The following OCA2 variants were observed in gnomAD, a reference collection of about 807,000 sequenced individuals.
OCA2 encodes the protein OCA2 melanosomal transmembrane protein, also known as P protein.
Under a neutral mutation model 100.2 loss-of-function variants are expected in OCA2, and 77 were observed. The observed-to-expected ratio is 0.77, with a 90% confidence interval of 0.64 to 0.93. OCA2 has a LOEUF of 0.93. Among genes scored for constraint, OCA2 ranks in the 40% least tolerant of loss-of-function variants. The probability of loss-of-function intolerance (pLI) is 0.00; values close to 1 mark genes in which losing one functional copy is unlikely to be tolerated. For synonymous variants in OCA2, 432 were observed against 439.2 expected, an observed-to-expected ratio of 0.98 and a Z score of 0.21; for missense variants, 1,062 against 1,089.1, an observed-to-expected ratio of 0.98 and a Z score of 0.35.
intron 18 of OCA2, among the ~76,000 whole-genome samples, chr15:27,930,023 C>T (rs1167129781): frequency 6.6e-6 from 1 of 152,118 alleles, no homozygotes; most frequent in Non-Finnish European, 1.5e-5. Flanking sequence ...CAGGAACTTT[C>T]AAGCACTGCT....
intron 5 of OCA2, among the ~76,000 whole-genome samples, chr15:28,024,354 T>C (rs1161479176): frequency 1.3e-5 from 2 of 152,204 alleles, no homozygotes; most frequent in African/African-American, 2.4e-5. Flanking sequence ...AGGATGGAGA[T>C]GTCTGGGCAA....
chr15:28,014,384 C>A (rs897417676), intron 9 of OCA2, among the ~76,000 whole-genome samples: 1 of 152,218 alleles, frequency 6.6e-6, no homozygotes, highest in African/African-American at 2.4e-5. Context: ...CTCACACACA[C>A]AACCCCACGG....
chr15:28,097,508 C>T (rs1041902509), intron 1 of OCA2, among the ~76,000 whole-genome samples: 6 of 152,180 alleles, frequency 3.9e-5, no homozygotes, highest in African/African-American at 7.2e-5. Flanking sequence ...GGCTTTCCTC[C>T]CCTCTGTGGT....
In OCA2 at chr15:27,934,218, G is replaced by A. The variant is rs150412070; in HGVS notation, c.1952-7964C>T. ...GACATTGTCATTTAGCATGTGAAGG[G>A]CAGACCATGTTTTATATCATGCAAA... On this transcript the variant is annotated intron_variant, in intron 18 of 23. Coordinates refer to ENST00000354638, the MANE Select transcript of OCA2 (RefSeq NM_000275.3). 2.7e-4 allele frequency among the ~76,000 whole-genome samples: 40 copies of A among 145,920 alleles called. 1 individual carries two copies. Among genetic ancestry groups the A allele is most frequent in the Non-Finnish European group, 5.7e-4 (37 of 64,358 alleles).
At chr15:27,966,856 C>G in intron 14 of OCA2, 34 bp from the exon 15 acceptor site, 1 of 1,589,532 alleles carries the variant, frequency 6.3e-7, no homozygotes, top group Non-Finnish European at 8.6e-7. Context: ...AAATGGCAGC[C>G]CAGGCATGGT....
intron 21 of OCA2, among the ~76,000 whole-genome samples, chr15:27,864,512 G>A (rs74580409): frequency 0.039 from 5,965 of 152,186 alleles, 399 homozygotes; most frequent in African/African-American, 0.13. Flanking sequence ...CCTGTGCCAG[G>A]TGTGATAGCC....
At chr15:28,048,139 T>G (rs1362549318) in intron 2 of OCA2, among the ~76,000 whole-genome samples, 4 of 152,204 alleles carry the variant, frequency 2.6e-5, no homozygotes, top group African/African-American at 9.6e-5. Flanking sequence ...TAAATTAAAA[T>G]GCACCCTATG....
At chr15:28,070,227 G>C (rs1299071670) in intron 2 of OCA2, among the ~76,000 whole-genome samples, 1 of 136,094 alleles carries the variant, frequency 7.3e-6, no homozygotes, top group Non-Finnish European at 1.5e-5. Context: ...TCTGAGAAGT[G>C]AGGAGCCTCT....
At chr15:27,981,065 C>G (rs957114130) in intron 14 of OCA2, among the ~76,000 whole-genome samples, 4 of 152,156 alleles carry the variant, frequency 2.6e-5, no homozygotes, top group Non-Finnish European at 5.9e-5. Context: ...TATCTTTTTA[C>G]TCCATTTCAT....
At chr15:27,752,878 C>A (rs1449651467), downstream of OCA2, among the ~76,000 whole-genome samples, 1 of 142,858 alleles carries the variant, frequency 7.0e-6, no homozygotes. Context: ...TGGCTGCAGT[C>A]ACTTGCACTT....
Position 27,793,224 on chromosome 15 carries a change from C to A in OCA2, c.2433-37752G>T, listed in dbSNP as rs768510538. On this transcript the variant is annotated intron_variant, in intron 23 of 23. Coordinates refer to ENST00000354638, the MANE Select transcript of OCA2 (RefSeq NM_000275.3). ...TTCCAATTGGACCAGAAAAGTATCACGTATGTAGCTCAGCTAGGTTTCAGA... is the reference window on the plus strand; with the variant it reads ...TTCCAATTGGACCAGAAAAGTATCAAGTATGTAGCTCAGCTAGGTTTCAGA... Among the ~76,000 whole-genome samples the A allele has an allele frequency of 2.0e-5, 3 of 152,116 alleles. No individual in the cohort carries two copies. In the East Asian group the frequency reaches 5.8e-4, roughly 29 times the overall value.
At chr15:27,899,813 A>G (rs976530096) in intron 19 of OCA2, among the ~76,000 whole-genome samples, 9 of 152,180 alleles carry the variant, frequency 5.9e-5, no homozygotes, top group East Asian at 1.9e-4. Context: ...CAAATTACCA[A>G]TGAATGTCAC....
At chr15:27,946,935 C>T (rs574902842) in intron 18 of OCA2, among the ~76,000 whole-genome samples, 1 of 152,306 alleles carries the variant, frequency 6.6e-6, no homozygotes, top group Non-Finnish European at 1.5e-5. Context: ...CAGAAAGGGG[C>T]CTGCCCCACA....
intron 19 of OCA2, among the ~76,000 whole-genome samples, chr15:27,876,756 A>T (rs1333971613): frequency 1.3e-5 from 2 of 151,524 alleles, no homozygotes; most frequent in African/African-American, 4.8e-5. Flanking sequence ...TATTTTTTTT[A>T]ATTCCTGTAG....
intron 19 of OCA2, among the ~76,000 whole-genome samples, chr15:27,892,226 T>A (rs115680649): frequency 0.016 from 2,367 of 152,146 alleles, 53 homozygotes; most frequent in African/African-American, 0.05. Context: ...TTAATACACA[T>A]ATATAAAACA....
intron 23 of OCA2, among the ~76,000 whole-genome samples, chr15:27,815,636 A>G (rs909237521): frequency 6.6e-6 from 1 of 152,186 alleles, no homozygotes; most frequent in Non-Finnish European, 1.5e-5. Flanking sequence ...CAACACTTAC[A>G]TGCCCACCAA....
chr15:27,866,988 G>C (rs1463078541), intron 21 of OCA2, among the ~76,000 whole-genome samples: 2 of 152,188 alleles, frequency 1.3e-5, no homozygotes, highest in Non-Finnish European at 2.9e-5. Flanking sequence ...CCAGCGTCGG[G>C]GCAGGGATCC....
At position 27,830,180 on chromosome 15, in the gene OCA2, T is replaced by C. The variant is rs192218211; in HGVS notation, c.2432+14779A>G. ...TCCAAATAATTTAAACATGATGGTA[T>C]GTCACTGACCCCACAAAACACAACA... On this transcript the variant is annotated intron_variant, in intron 23 of 23. Coordinates refer to ENST00000354638, the MANE Select transcript of OCA2 (RefSeq NM_000275.3). Among the ~76,000 whole-genome samples, 959 of 152,318 alleles carry C rather than the reference T, an allele frequency of 6.3e-3. 35 individuals are homozygous for C. The highest frequency in any genetic ancestry group is 0.045 in the Admixed American group (689 of 15,294).
intron 9 of OCA2, among the ~76,000 whole-genome samples, chr15:27,997,398 C>T (rs2141078639): frequency 6.6e-6 from 1 of 151,108 alleles, no homozygotes; most frequent in African/African-American, 2.4e-5. Flanking sequence ...CTACATATGG[C>T]TAGCCAGTTT....
Sources: gnomAD v4.1 joint callset for allele counts (sites outside exome capture counted in the v4.1 genomes callset) on GRCh38, gnomAD v4.1.1 for gene constraint, MANE v1.5 for transcripts, NCBI Gene and HGNC (gene_info 2026-07-23, HGNC 2026-07-21) for gene names.